Variants in ZFYVE1 observed in about 807,000 individuals in gnomAD.
ZFYVE1 encodes the protein zinc finger FYVE domain-containing protein 1.
Under a neutral mutation model 74.4 loss-of-function variants are expected in ZFYVE1, and 30 were observed. The ratio of observed to expected loss-of-function variants is 0.40; its 90% CI spans 0.30 to 0.55. ZFYVE1 has a LOEUF of 0.55. Among genes scored for constraint, ZFYVE1 ranks in the 20% least tolerant of loss-of-function variants. The pLI is 0.42. For missense variants in ZFYVE1, 703 were observed against 1,011.6 expected, an observed-to-expected ratio of 0.69 and a Z score of 4.14; for synonymous variants, 335 against 385.1, an observed-to-expected ratio of 0.87 and a Z score of 1.52.
chr14:73,009,978 A>C (rs1164714107), intron 2 of ZFYVE1, among the ~76,000 whole-genome samples: 1 of 152,080 alleles, frequency 6.6e-6, no homozygotes, highest in Non-Finnish European at 1.5e-5. Context: ...ATGGTGGTAC[A>C]TGCCTGTAGT....
Position 72,976,506 on chromosome 14 carries a change from C to T in ZFYVE1, c.1636-785G>A, listed in dbSNP as rs184783306. Among the ~76,000 whole-genome samples the T allele has an allele frequency of 2.8e-4, 42 of 152,128 alleles. 1 individual carries two copies. The East Asian group carries it at 7.7e-3, about 28-fold the overall frequency. On this transcript the variant is annotated intron_variant, in intron 8 of 11. Coordinates refer to ENST00000556143, the MANE Select transcript of ZFYVE1 (RefSeq NM_021260.4). ...GGAGGAGAAAAATAAGGAAATCGGC[C>T]GGGTGCGATGGCTCACGCCTGTAAT...
At chr14:73,013,935 C>A (rs781169952) in intron 2 of ZFYVE1, among the ~76,000 whole-genome samples, 2 of 152,176 alleles carry the variant, frequency 1.3e-5, no homozygotes, top group African/African-American at 4.8e-5. Flanking sequence ...CCTATATAAT[C>A]TCCTGGATAA....
At chr14:72,973,001 G>A (rs942070390) in intron 11 of ZFYVE1, among the ~76,000 whole-genome samples, 10 of 151,928 alleles carry the variant, frequency 6.6e-5, no homozygotes, top group African/African-American at 9.7e-5. Context: ...CACGGTGCCC[G>A]GCCAGCTATT....
At chr14:72,985,369 G>A (rs184006777) in intron 4 of ZFYVE1, among the ~76,000 whole-genome samples, 53 of 152,132 alleles carry the variant, frequency 3.5e-4, no homozygotes, top group Middle Eastern at 3.4e-3. Context: ...GTCTCGCTCC[G>A]TCACCCAGGT....
intron 1 of ZFYVE1, among the ~76,000 whole-genome samples, chr14:73,026,469 G>A (rs999974241): frequency 6.6e-6 from 1 of 152,118 alleles, no homozygotes; most frequent in African/African-American, 2.4e-5. Flanking sequence ...GAGTGACTAG[G>A]GGATCTTATT....
chr14:73,001,040 T>A (rs1364251700), intron 2 of ZFYVE1, among the ~76,000 whole-genome samples: 6 of 152,258 alleles, frequency 3.9e-5, no homozygotes, highest in African/African-American at 1.4e-4. Context: ...ACTGTGCCAC[T>A]TCCTCCTTTC....
At position 73,024,575 on chromosome 14, in the gene ZFYVE1, G is replaced by C; in HGVS notation, c.-67C>G. 7 of 1,517,104 alleles carry C rather than the reference G, an allele frequency of 4.6e-6. No homozygotes were observed. Among genetic ancestry groups the C allele is most frequent in the Non-Finnish European group, 6.2e-6 (7 of 1,133,798 alleles). 94.0% of individuals were successfully genotyped at this position (1,517,104 alleles called of 1,614,324 possible). A position where few individuals can be genotyped will look rare whatever the true frequency, so the allele number is the denominator to read the frequency against. Reference sequence around the variant, plus strand: ...CTGAGCTTGCCCCGGGGGTGAAGACGAAGATTTGAGTCTGAAGACTGCACG... The same window carrying C: ...CTGAGCTTGCCCCGGGGGTGAAGACCAAGATTTGAGTCTGAAGACTGCACG... On this transcript the variant is annotated 5_prime_UTR_variant, in exon 2 of 12. Coordinates refer to ENST00000556143, the MANE Select transcript of ZFYVE1 (RefSeq NM_021260.4).
At chr14:72,972,961 T>C (rs112494212) in intron 11 of ZFYVE1, among the ~76,000 whole-genome samples, 4,239 of 151,736 alleles carry the variant, frequency 0.028, 174 homozygotes, top group African/African-American at 0.093. Flanking sequence ...TGCCTTGGCC[T>C]CCCAAAGTGC....
rs949952315 is a variant in ZFYVE1 at position 72,977,995 on chromosome 14, A to G, written c.1567T>C (p.Tyr523His). The change falls in exon 8 of 12, where the codon TAC (tyrosine) becomes CAC (histidine). Residue 523 changes from tyrosine to histidine, a missense_variant. Physicochemically the swap from Tyr to His is moderately conservative, Grantham distance 83 (BLOSUM62 2). Coordinates refer to ENST00000556143, the MANE Select transcript of ZFYVE1 (RefSeq NM_021260.4). The stretch of plus-strand genomic sequence containing the variant: ...ACAGGATCTTGGTTTCCAAACCAGT[A>G]CTGCCGACTACGATAGACCACGCCA... Reference protein sequence around the residue: ...NCGVVYRSRQYWFGNQDPVDT... With the variant: ...NCGVVYRSRQHWFGNQDPVDT... 1.9e-6 allele frequency: 3 copies of G among 1,614,114 alleles called. No individual in the cohort carries two copies. The African/African-American group carries it at 4.0e-5, about 22-fold the overall frequency.
At chr14:72,988,456 T>C (rs942730865) in intron 4 of ZFYVE1, among the ~76,000 whole-genome samples, 1 of 151,464 alleles carries the variant, frequency 6.6e-6, no homozygotes, top group African/African-American at 2.4e-5. Flanking sequence ...ATTACAGGCG[T>C]GAGCCACTGC....
At position 73,024,064 on chromosome 14, in the gene ZFYVE1, C is replaced by G. The variant is rs757623907; in HGVS notation, c.445G>C (p.Val149Leu). The change falls in exon 2 of 12, where the codon GTG (valine) becomes CTG (leucine). Residue 149 changes from valine to leucine, a missense_variant. By Grantham distance (32) the Val-to-Leu change is conservative. Transcript: ENST00000556143. ...TTTTCGTCTACTAGGAGGAAACTCA[C>G]AACCTTCTCAGTCATCTTCTTCCTC... ...TKRKKMTEKV[V>L]SFLLVDENEE... 1 of 1,614,176 alleles carries G rather than the reference C, an allele frequency of 6.2e-7. No individual in the cohort carries two copies. Among genetic ancestry groups the G allele is most frequent in the Non-Finnish European group, 8.5e-7 (1 of 1,180,042 alleles).
In ZFYVE1 at chr14:72,970,627, T is replaced by G. The variant is rs1268616151; in HGVS notation, c.*255A>C. 3.6e-6 allele frequency: 2 copies of G among 549,480 alleles called. No homozygotes were observed. Among genetic ancestry groups the G allele is most frequent in the East Asian group, 6.2e-5 (2 of 32,044 alleles). 34.0% of individuals were successfully genotyped at this position (549,480 alleles called of 1,614,324 possible). A position where few individuals can be genotyped will look rare whatever the true frequency, so the allele number is the denominator to read the frequency against. On this transcript the variant is annotated 3_prime_UTR_variant, in exon 12 of 12. Coordinates refer to ENST00000556143, the MANE Select transcript of ZFYVE1 (RefSeq NM_021260.4). ...GAGAGATATACACATATATATTCAT[T>G]ATTTTTAACTGAAATAAATGCAACG...
intron 10 of ZFYVE1, 121 bp from the exon 11 acceptor site, chr14:72,974,314 A>G (rs1893109584): frequency 1.1e-6 from 1 of 900,508 alleles, no homozygotes; most frequent in Non-Finnish European, 1.8e-6. Context: ...CTGTCCTGCA[A>G]CTACTGCAAG....
chr14:72,994,874 T>C (rs191385130), intron 3 of ZFYVE1, among the ~76,000 whole-genome samples: 3 of 152,304 alleles, frequency 2.0e-5, no homozygotes, highest in Admixed American at 1.3e-4. Flanking sequence ...TGATGAACTT[T>C]TACAATTCTC....
intron 11 of ZFYVE1, among the ~76,000 whole-genome samples, chr14:72,973,739 A>C (rs1454621260): frequency 6.6e-6 from 1 of 152,192 alleles, no homozygotes; most frequent in Non-Finnish European, 1.5e-5. Context: ...ACCACCCTGG[A>C]ATATCAGGTA....
At position 72,998,229 on chromosome 14, in the gene ZFYVE1, A is replaced by C; in HGVS notation, c.570T>G (p.Gly190=). Residue 190 remains glycine, a synonymous_variant, in exon 3 of 12, where the codon GGT becomes GGG. Transcript: ENST00000556143. ...LKVVSIFGNT[G]DGKSHTLNHT... ...GGTTGAGAGTATGAGACTTTCCATC[A>C]CCAGTATTTCCAAAAATGGAAACCA... The C allele has an allele frequency of 6.2e-7, 1 of 1,612,614 alleles. No homozygotes were observed. Among genetic ancestry groups the C allele is most frequent in the Non-Finnish European group, 8.5e-7 (1 of 1,179,666 alleles).
chr14:73,022,319 CAAGAAGGAAAA>C (rs1391934526), intron 2 of ZFYVE1, among the ~76,000 whole-genome samples: 1 of 152,000 alleles, frequency 6.6e-6, no homozygotes, highest in Non-Finnish European at 1.5e-5. Flanking sequence ...CAGCTTTATC[CAAGAAGGAAAA>C]AAGTACAGAA....
In ZFYVE1 at chr14:73,024,879, T is replaced by C. The variant is rs1894424490; in HGVS notation, c.-371A>G. 1 of 172,760 alleles carries C rather than the reference T, an allele frequency of 5.8e-6. No individual in the cohort carries two copies. The highest frequency in any genetic ancestry group is 1.2e-5 in the Non-Finnish European group (1 of 82,408). The allele number at this position is 172,760 out of a possible 1,614,324, so 10.7% of individuals were successfully genotyped here. A position where few individuals can be genotyped will look rare whatever the true frequency, so the allele number is the denominator to read the frequency against. On this transcript the variant is annotated 5_prime_UTR_variant, in exon 2 of 12. Coordinates refer to ENST00000556143, the MANE Select transcript of ZFYVE1 (RefSeq NM_021260.4). ...GACATCAGCTACAAAGTTTTGGTAA[T>C]GAAAGAAAGTGGTCAGGAGCTTTTC...
chr14:72,988,593 G>C (rs558922716), intron 4 of ZFYVE1, among the ~76,000 whole-genome samples: 1 of 151,822 alleles, frequency 6.6e-6, no homozygotes, highest in East Asian at 2.0e-4. Flanking sequence ...GGTCACCTGA[G>C]GTCAGGAGTT....
Sources: allele counts gnomAD v4.1 joint callset (sites outside exome capture counted in the v4.1 genomes callset), GRCh38; gene constraint gnomAD v4.1.1; transcripts MANE v1.5; gene names NCBI Gene and HGNC (gene_info 2026-07-23, HGNC 2026-07-21).